Variants in AP2B1 observed in about 807,000 individuals in gnomAD.
AP2B1 encodes the protein adaptor related protein complex 2 subunit beta 1.
Under a neutral mutation model 102.0 loss-of-function variants are expected in AP2B1, and 23 were observed. The observed-to-expected ratio is 0.23, with a 90% CI of 0.16 to 0.32. AP2B1 has a LOEUF of 0.32. Ranked by LOEUF, AP2B1 falls within the 10% of genes least tolerant of loss-of-function variation. AP2B1 has a pLI of 1.00. For synonymous variants in AP2B1, 381 were observed against 421.2 expected, an observed-to-expected ratio of 0.90 and a Z score of 1.17; for missense variants, 541 against 1,157.4, an observed-to-expected ratio of 0.47 and a Z score of 7.73.
chr17:35,633,693 T>C (rs2074527597), intron 9 of AP2B1, among the ~76,000 whole-genome samples: 2 of 152,200 alleles, frequency 1.3e-5, no homozygotes, highest in Non-Finnish European at 2.9e-5. Flanking sequence ...AGTAGTCCAG[T>C]GTGTATATCT....
intron 14 of AP2B1, chr17:35,660,029 A>G (rs8070883): frequency 1.0e-6 from 1 of 985,414 alleles, no homozygotes; most frequent in Non-Finnish European, 1.2e-6. Context: ...AATTACCTAA[A>G]GAGAAGATTA....
intron 19 of AP2B1, 81 bp downstream of exon 19, chr17:35,709,389 T>G: frequency 8.5e-7 from 1 of 1,172,558 alleles, no homozygotes; most frequent in Non-Finnish European, 1.3e-6. Flanking sequence ...CCCAGAAGTT[T>G]TGAGTTATTT....
chr17:35,589,909 C>A (rs865998569), intron 1 of AP2B1, among the ~76,000 whole-genome samples: 1 of 145,472 alleles, frequency 6.9e-6, no homozygotes, highest in Non-Finnish European at 1.5e-5. Context: ...ATTTTGTTTA[C>A]TTTTTCTGTA....
At chr17:35,704,829 G>A (rs1448164350) in intron 18 of AP2B1, among the ~76,000 whole-genome samples, 2 of 152,064 alleles carry the variant, frequency 1.3e-5, no homozygotes, top group South Asian at 2.1e-4. Flanking sequence ...TCAGGAATTC[G>A]AGACCAGCCT....
In AP2B1 at chr17:35,624,496, AC is replaced by A. The variant is rs1295786981; in HGVS notation, c.626del (p.Thr209LysfsTer3). On this transcript the variant is annotated frameshift_variant, in exon 6 of 22. Coordinates refer to ENST00000610402, the MANE Select transcript of AP2B1 (RefSeq NM_001030006.2). LOFTEE classifies it high-confidence loss of function. The part of the protein sequence containing the change: ...LNPQNINKLL[T>X]ALNECTEWGQ... ...CCCACAGAACATTAATAAGCTGCTG[AC>A]AGCCCTGAATGAATGCACTGAATGG... The A allele has an allele frequency of 6.2e-7, 1 of 1,614,210 alleles. No individual in the cohort carries two copies. The highest frequency in any genetic ancestry group is 8.5e-7 in the Non-Finnish European group (1 of 1,180,016).
chr17:35,609,666 G>A (rs1220791425), intron 5 of AP2B1, among the ~76,000 whole-genome samples: 1 of 151,970 alleles, frequency 6.6e-6, no homozygotes, highest in South Asian at 2.1e-4. Flanking sequence ...ATGGAGATGG[G>A]GTCTTGCTAT....
intron 12 of AP2B1, among the ~76,000 whole-genome samples, chr17:35,645,871 CA>C (rs1475816018): frequency 6.6e-6 from 1 of 151,678 alleles, no homozygotes; most frequent in Non-Finnish European, 1.5e-5. Flanking sequence ...CAAAACAAAA[CA>C]AAAAAATGTC....
chr17:35,623,720 A>G (rs1488985024), intron 5 of AP2B1, among the ~76,000 whole-genome samples: 1 of 152,170 alleles, frequency 6.6e-6, no homozygotes, highest in African/African-American at 2.4e-5. Context: ...CAGTTGATGA[A>G]TTATGGTAAT....
chr17:35,659,991 T>G, intron 14 of AP2B1: 1 of 985,432 alleles, frequency 1.0e-6, no homozygotes, highest in Non-Finnish European at 1.2e-6. Flanking sequence ...GCAGTGGACT[T>G]TTAAAATGCT....
Position 35,710,225 on chromosome 17 carries a change from C to A in AP2B1, c.2540-9C>A. 6.2e-7 allele frequency: 1 copy of A among 1,601,584 alleles called. No individual in the cohort carries two copies. The highest frequency in any genetic ancestry group is 8.6e-7 in the Non-Finnish European group (1 of 1,168,766). On this transcript the variant is annotated splice_polypyrimidine_tract_variant and intron_variant, in intron 19 of 21. Coordinates refer to ENST00000610402, the MANE Select transcript of AP2B1 (RefSeq NM_001030006.2). ...CACATCCATCCTTCCCCTCTGCTTT[C>A]CCATACAGAGCGCCAGGTCTTCCTT...
At chr17:35,694,433 T>TTTTTTA (rs56363655) in intron 18 of AP2B1, among the ~76,000 whole-genome samples, 3 of 146,434 alleles carry the variant, frequency 2.0e-5, no homozygotes, top group Non-Finnish European at 3.0e-5. Context: ...TTTAATTTTT[T>TTTTTTA]AATTTTTTGT....
intron 3 of AP2B1, among the ~76,000 whole-genome samples, chr17:35,598,845 T>A (rs1402255312): frequency 6.6e-6 from 1 of 152,252 alleles, no homozygotes; most frequent in Non-Finnish European, 1.5e-5. Flanking sequence ...TGCAGGCCCC[T>A]AAGGATTATC....
chr17:35,696,682 C>T (rs587613079), intron 18 of AP2B1, among the ~76,000 whole-genome samples: 11 of 152,212 alleles, frequency 7.2e-5, no homozygotes, highest in East Asian at 3.9e-4. Flanking sequence ...AGCCACCGCA[C>T]GCCTGGCTAA....
intron 12 of AP2B1, among the ~76,000 whole-genome samples, chr17:35,644,159 A>G (rs1418103467): frequency 6.6e-6 from 1 of 152,184 alleles, no homozygotes; most frequent in Non-Finnish European, 1.5e-5. Context: ...ATGGGGCAGA[A>G]CTAGGACTCA....
At chr17:35,706,947 C>T (rs587774456) in intron 18 of AP2B1, among the ~76,000 whole-genome samples, 7 of 151,844 alleles carry the variant, frequency 4.6e-5, no homozygotes, top group Non-Finnish European at 8.8e-5. Context: ...CCACCACACC[C>T]GGCCCCAGTT....
At chr17:35,701,740 T>C (rs2076243251) in intron 18 of AP2B1, among the ~76,000 whole-genome samples, 1 of 152,184 alleles carries the variant, frequency 6.6e-6, no homozygotes, top group Non-Finnish European at 1.5e-5. Context: ...TTCAGCCTCC[T>C]GAGTAACTGG....
chr17:35,614,655 T>TTAAA (rs754043078), intron 5 of AP2B1, among the ~76,000 whole-genome samples: 1 of 93,158 alleles, frequency 1.1e-5, no homozygotes, highest in Admixed American at 1.3e-4. Flanking sequence ...GTTGAATTAG[T>TTAAA]AAAAAAAAAA....
chr17:35,593,073 T>G (rs1439838887), intron 1 of AP2B1, among the ~76,000 whole-genome samples: 1 of 152,224 alleles, frequency 6.6e-6, no homozygotes, highest in Non-Finnish European at 1.5e-5. Flanking sequence ...TTCTCGTGTC[T>G]GAACGGATGT....
At chr17:35,701,889 TG>T (rs2076246331) in intron 18 of AP2B1, among the ~76,000 whole-genome samples, 1 of 152,230 alleles carries the variant, frequency 6.6e-6, no homozygotes, top group Non-Finnish European at 1.5e-5. Flanking sequence ...CCCATAGTGC[TG>T]GGATTACAGG....
Sources: allele counts gnomAD v4.1 joint callset (sites outside exome capture counted in the v4.1 genomes callset), GRCh38; gene constraint gnomAD v4.1.1; transcripts MANE v1.5; gene names NCBI Gene and HGNC (gene_info 2026-07-23, HGNC 2026-07-21).